Variants in PPL observed in about 807,000 individuals in gnomAD.
PPL encodes the protein periplakin.
Under a neutral mutation model 194.4 loss-of-function variants are expected in PPL, and 198 were observed. That is an observed-to-expected ratio of 1.02 (90% CI 0.91 to 1.15). The LOEUF is 1.15. Ranked by LOEUF, PPL falls within the 50% of genes most tolerant of loss-of-function variation. The pLI is 0.00. For synonymous variants in PPL, 1,220 were observed against 972.4 expected (o/e 1.25, Z -4.74); for missense variants, 2,885 against 2,294.8 (o/e 1.26, Z -5.25).
chr16:4,911,195 T>C (rs1191465365), intron 1 of PPL, among the ~76,000 whole-genome samples: 1 of 129,580 alleles, frequency 7.7e-6, no homozygotes, highest in East Asian at 2.6e-4. Flanking sequence ...GGAGTCTTGC[T>C]CTGTCACCCA....
At chr16:4,901,153 C>T (rs2088561027) in intron 4 of PPL, 64 bp from the exon 5 acceptor site, 6 of 1,572,350 alleles carry the variant, frequency 3.8e-6, no homozygotes, top group Admixed American at 3.6e-5. Flanking sequence ...CGTGTGGCCA[C>T]CCCAGGAGCC....
chr16:4,886,970 T>C (rs182647443), intron 21 of PPL, among the ~76,000 whole-genome samples, 165 bp downstream of exon 21: 11 of 152,370 alleles, frequency 7.2e-5, no homozygotes, highest in African/African-American at 2.4e-4. Flanking sequence ...TAAGTTCTCA[T>C]GTCAGTAGAA....
intron 1 of PPL, among the ~76,000 whole-genome samples, chr16:4,920,615 AC>A (rs1448519009): frequency 3.9e-5 from 6 of 152,070 alleles, no homozygotes; most frequent in African/African-American, 1.4e-4. Flanking sequence ...GGCGCACGCC[AC>A]CATGCCTGGC....
chr16:4,896,993 G>A (rs1201909703), intron 9 of PPL, among the ~76,000 whole-genome samples: 1 of 151,972 alleles, frequency 6.6e-6, no homozygotes, highest in Non-Finnish European at 1.5e-5. Flanking sequence ...GGTGGTGATG[G>A]TTGCATAACA....
At chr16:4,895,554 C>G (rs2088410453) in intron 10 of PPL, 40 bp downstream of exon 10, 1 of 1,612,588 alleles carries the variant, frequency 6.2e-7, no homozygotes, top group Non-Finnish European at 8.5e-7. Flanking sequence ...GAGGGGTCCC[C>G]CGCCCCCCGG....
In PPL at chr16:4,888,960, G is replaced by A. The variant is rs1282898292; in HGVS notation, c.2397+18C>T. ...GACCCCTGCTGTTTGTGCTTTGGGC[G>A]GAAGTTTCCCGGCTCACCTTTACAG... On this transcript the variant is annotated intron_variant, in intron 19 of 21. Coordinates refer to ENST00000345988, the MANE Select transcript of PPL (RefSeq NM_002705.5). 9 of 1,611,142 alleles carry A rather than the reference G, an allele frequency of 5.6e-6. No individual in the cohort carries two copies. The highest frequency in any genetic ancestry group is 1.7e-5 in the Admixed American group (1 of 59,970).
chr16:4,887,035 G>T, intron 21 of PPL, 100 bp downstream of exon 21: 1 of 1,010,160 alleles, frequency 9.9e-7, no homozygotes, highest in Non-Finnish European at 1.5e-6. Flanking sequence ...TTAGCAAGGG[G>T]ACACTTCCAT....
chr16:4,883,009 A>G lies in PPL; in HGVS notation c.*375T>C. ...CAGTGTCACTGTCTGGTGTGCCACC[A>G]GTACCCATGCTGCAAGGAGTGGGCT... On this transcript the variant is annotated 3_prime_UTR_variant, in exon 22 of 22. Coordinates refer to ENST00000345988, the MANE Select transcript of PPL (RefSeq NM_002705.5). This position sits in a 1 kb window ranked among gnomAD's most constrained non-coding sequence, Gnocchi z 4.8. 2 of 256,882 alleles carry G rather than the reference A, an allele frequency of 7.8e-6. No homozygotes were observed. Among genetic ancestry groups the G allele is most frequent in the Middle Eastern group, 1.3e-3 (1 of 746 alleles). 15.9% of individuals were successfully genotyped at this position (256,882 alleles called of 1,614,324 possible). A position where few individuals can be genotyped will look rare whatever the true frequency, so the allele number is the denominator to read the frequency against.
At chr16:4,924,499 T>G (rs1163940390) in intron 1 of PPL, among the ~76,000 whole-genome samples, 1 of 152,142 alleles carries the variant, frequency 6.6e-6, no homozygotes, top group Non-Finnish European at 1.5e-5. Flanking sequence ...CATCTTCCAG[T>G]CTCACTCGGT....
Position 4,890,709 on chromosome 16 carries a change from C to G in PPL, c.2162+19G>C, listed in dbSNP as rs750285887. 6.3e-7 allele frequency: 1 copy of G among 1,586,806 alleles called. No homozygotes were observed. Among genetic ancestry groups the G allele is most frequent in the Admixed American group, 1.9e-5 (1 of 53,754 alleles). ...CATTCTCAGAAAACAAAAATGGCCA[C>G]CACCCACCGCACCCTCACCTGCGTT... On this transcript the variant is annotated intron_variant, in intron 17 of 21. Transcript: ENST00000345988.
intron 18 of PPL, among the ~76,000 whole-genome samples, 175 bp from the exon 19 acceptor site, chr16:4,889,236 T>G (rs1280722717): frequency 2.8e-5 from 2 of 72,242 alleles, no homozygotes; most frequent in African/African-American, 8.0e-5. Flanking sequence ...TTTTTTGTTG[T>G]TGTTGTTTTT....
In PPL at chr16:4,887,354, C is replaced by T. The variant is rs1414326538; in HGVS notation, c.2515-127G>A. 1.0e-5 allele frequency: 7 copies of T among 700,230 alleles called. No individual in the cohort carries two copies. The East Asian group carries it at 1.6e-4, about 16-fold the overall frequency. 43.4% of individuals were successfully genotyped at this position (700,230 alleles called of 1,614,324 possible). A position where few individuals can be genotyped will look rare whatever the true frequency, so the allele number is the denominator to read the frequency against. On this transcript the variant is annotated intron_variant, in intron 20 of 21. Transcript: ENST00000345988. ...TTTGGGGGTAGAGGCATAGCTCTTG[C>T]CCACTCCTGCCTGGAGTTAGACTGT...
At chr16:4,910,792 C>T in intron 2 of PPL, 58 bp downstream of exon 2, 2 of 1,418,584 alleles carry the variant, frequency 1.4e-6, no homozygotes, top group Non-Finnish European at 1.0e-6. Flanking sequence ...AGATCCTGGT[C>T]CTGAACAGGG....
rs150886692 is a variant in PPL, at chr16:4,923,107, G to A, written c.63-12158C>T. 1.2e-4 allele frequency among the ~76,000 whole-genome samples: 19 copies of A among 152,242 alleles called. No individual in the cohort carries two copies. In the East Asian group the frequency reaches 1.4e-3, roughly 11 times the overall value. On this transcript the variant is annotated intron_variant, in intron 1 of 21. Transcript: ENST00000345988. ...CCCACTGCTCTGAGAACGTTCTTCC[G>A]TCCGCATAAGGGAAACTGCAGAAGG... is the stretch of plus-strand genomic sequence containing the variant.
chr16:4,889,833 G>A (rs973894629), intron 18 of PPL, among the ~76,000 whole-genome samples: 23 of 152,210 alleles, frequency 1.5e-4, no homozygotes, highest in African/African-American at 5.5e-4. Flanking sequence ...CCAAGGCACT[G>A]CGTTGGGCAT....
At chr16:4,894,953 T>C (rs1211501514) in intron 11 of PPL, among the ~76,000 whole-genome samples, 2 of 152,214 alleles carry the variant, frequency 1.3e-5, no homozygotes, top group Admixed American at 6.5e-5. Context: ...GGGTGGACCC[T>C]GGCATTCCCT....
At chr16:4,924,226 C>A (rs192207957) in intron 1 of PPL, among the ~76,000 whole-genome samples, 143 of 152,280 alleles carry the variant, frequency 9.4e-4, no homozygotes, top group African/African-American at 3.2e-3. Flanking sequence ...TTTTATTTAA[C>A]CTAATATATC....
intron 1 of PPL, among the ~76,000 whole-genome samples, chr16:4,931,597 G>A (rs2089225874): frequency 6.6e-6 from 1 of 152,200 alleles, no homozygotes; most frequent in Admixed American, 6.5e-5. Context: ...AGGATGCAAG[G>A]TGGTGCCGGT....
At chr16:4,928,779 G>C (rs1279635027) in intron 1 of PPL, among the ~76,000 whole-genome samples, 2 of 152,134 alleles carry the variant, frequency 1.3e-5, no homozygotes, top group Non-Finnish European at 2.9e-5. Flanking sequence ...AGGAAGCCGA[G>C]GCAGGTGGAT....
Sources: allele counts gnomAD v4.1 joint callset (sites outside exome capture counted in the v4.1 genomes callset), GRCh38; gene constraint gnomAD v4.1.1; non-coding constraint Gnocchi (gnomAD v3.1); transcripts MANE v1.5; gene names NCBI Gene and HGNC (gene_info 2026-07-23, HGNC 2026-07-21).